CGGBP1: variants seen among roughly 807,000 people sequenced by gnomAD.
CGGBP1 encodes the protein CGG triplet repeat-binding protein 1.
A neutral mutation model predicts 11.4 loss-of-function variants in CGGBP1; 4 were observed. The ratio of observed to expected loss-of-function variants is 0.35; its 90% confidence interval spans 0.17 to 0.80. The LOEUF is 0.80. CGGBP1 is among the 30% of genes least tolerant of loss of function. The pLI is 0.52. For missense variants in CGGBP1, 135 were observed against 202.1 expected (o/e 0.67, Z 2.01); for synonymous variants, 76 against 74.1 (o/e 1.03, Z -0.13).
chr3:88,061,149 G>A (rs6806879), upstream of CGGBP1, among the ~76,000 whole-genome samples: 3 of 151,918 alleles, frequency 2.0e-5, no homozygotes, highest in African/African-American at 7.3e-5. Flanking sequence ...GGTAGATTTT[G>A]TATCTATAGG....
intron 2 of CGGBP1, among the ~76,000 whole-genome samples, chr3:88,088,652 T>C (rs1202005482): frequency 2.6e-5 from 4 of 152,186 alleles, no homozygotes; most frequent in Non-Finnish European, 5.9e-5. Context: ...AAAAATTGAT[T>C]TGTATATATT....
At chr3:88,078,998 TA>T (rs1707950832) in intron 2 of CGGBP1, among the ~76,000 whole-genome samples, 1 of 152,078 alleles carries the variant, frequency 6.6e-6, no homozygotes, top group South Asian at 2.1e-4. Flanking sequence ...ATGTATTGGC[TA>T]AAAAGTCAGT....
intron 1 of CGGBP1, among the ~76,000 whole-genome samples, chr3:88,149,497 C>T (rs1283342653): frequency 6.6e-6 from 1 of 152,248 alleles, no homozygotes; most frequent in African/African-American, 2.4e-5. Flanking sequence ...TTTAACTTTT[C>T]ATACTATAAT....
intron 2 of CGGBP1, among the ~76,000 whole-genome samples, chr3:88,113,981 A>C (rs1463614243): frequency 6.6e-6 from 1 of 152,154 alleles, no homozygotes; most frequent in Non-Finnish European, 1.5e-5. Context: ...TAGAGTATAT[A>C]TTCAAGTATT....
upstream of CGGBP1, among the ~76,000 whole-genome samples, chr3:88,063,387 T>C (rs940065426): frequency 2.6e-5 from 4 of 152,206 alleles, no homozygotes; most frequent in African/African-American, 9.7e-5. Context: ...GGCACTGTAA[T>C]AGGTGCCTTA....
intron 2 of CGGBP1, 49 bp from the exon 3 acceptor site, chr3:88,057,341 CT>C (rs5850826): frequency 0.78 from 113,877 of 146,814 alleles, 44,675 homozygotes; most frequent in South Asian, 0.9. Context: ...ATTTTTTCCA[CT>C]TTTTTTTTTT....
At chr3:88,092,789 G>A (rs116198358) in intron 2 of CGGBP1, among the ~76,000 whole-genome samples, 4 of 152,006 alleles carry the variant, frequency 2.6e-5, no homozygotes, top group African/African-American at 9.6e-5. Context: ...ATATTCTCTG[G>A]CAGTATTGTC....
At chr3:88,102,337 G>T (rs1352378350) in intron 2 of CGGBP1, among the ~76,000 whole-genome samples, 2 of 152,042 alleles carry the variant, frequency 1.3e-5, no homozygotes, top group African/African-American at 4.8e-5. Context: ...CTCATTAATA[G>T]CTCTAGTCGT....
At position 88,146,596 on chromosome 3, in the gene CGGBP1, C is replaced by T. The variant is rs571837502; in HGVS notation, c.-338+3115G>A. On this transcript the variant is annotated intron_variant, in intron 1 of 3. Coordinates refer to the CGGBP1 transcript ENST00000462901. ...TGGAGAGTTATACATCCCATTGATA[C>T]AGAATTTTGCTAAATTTCTCTTCAT... 5.9e-5 allele frequency among the ~76,000 whole-genome samples: 9 copies of T among 152,270 alleles called. No homozygotes were observed. The South Asian group carries it at 1.7e-3, about 28-fold the overall frequency.
Position 88,113,003 on chromosome 3 carries a change from C to T in CGGBP1, c.-229+27967G>A, listed in dbSNP as rs201698948. The T allele has an allele frequency of 8.5e-6, 6 of 709,560 alleles. No individual in the cohort carries two copies. In the East Asian group the frequency reaches 1.8e-4, roughly 21 times the overall value. The allele number at this position is 709,560 out of a possible 1,614,324, so 44.0% of individuals were successfully genotyped here. On this transcript the variant is annotated intron_variant, in intron 2 of 3. Coordinates refer to the CGGBP1 transcript ENST00000462901. ...CTAGTGTTCAGTACAATTTTTTAAACCAAAATATTTTAAGTCAAATATTGA... is the reference window on the plus strand; with the variant it reads ...CTAGTGTTCAGTACAATTTTTTAAATCAAAATATTTTAAGTCAAATATTGA...
At chr3:88,098,694 C>T (rs1217233899) in intron 2 of CGGBP1, among the ~76,000 whole-genome samples, 3 of 152,080 alleles carry the variant, frequency 2.0e-5, no homozygotes, top group East Asian at 1.9e-4. Flanking sequence ...AATCAATAAA[C>T]GTAATCCAGC....
rs1706498784 is a variant in CGGBP1 at position 88,054,571 on chromosome 3, A to G, written c.*902T>C. The G allele has an allele frequency of 6.6e-6, 1 of 152,298 alleles. No homozygotes were observed. The highest frequency in any genetic ancestry group is 6.5e-5 in the Admixed American group (1 of 15,288). The allele number at this position is 152,298 out of a possible 1,614,324, so 9.4% of individuals were successfully genotyped here. A position where few individuals can be genotyped will look rare whatever the true frequency, so the allele number is the denominator to read the frequency against. ...TGTAGAGAAAAATTAATGAATAGAA[A>G]GTAATTTTATCTGATCTGTCAGCCA... On this transcript the variant is annotated 3_prime_UTR_variant, in exon 4 of 4. Coordinates refer to ENST00000482016, the MANE Select transcript of CGGBP1 (RefSeq NM_001008390.2).
intron 1 of CGGBP1, among the ~76,000 whole-genome samples, chr3:88,148,939 C>A (rs1310237504): frequency 6.6e-6 from 1 of 152,134 alleles, no homozygotes; most frequent in African/African-American, 2.4e-5. Context: ...CCGCGCCCGG[C>A]CAAGCTATAT....
chr3:88,143,173 T>C (rs368640632), intron 1 of CGGBP1: 1 of 152,238 alleles, frequency 6.6e-6, no homozygotes, highest in Non-Finnish European at 1.5e-5. Flanking sequence ...TTCTTCCAGG[T>C]AGCATCCATA....
At chr3:88,073,887 T>A (rs1465085139) in intron 2 of CGGBP1, among the ~76,000 whole-genome samples, 3 of 152,224 alleles carry the variant, frequency 2.0e-5, no homozygotes, top group Admixed American at 2.0e-4. Flanking sequence ...ATAAAACTCA[T>A]AATTTATTTT....
intron 2 of CGGBP1, chr3:88,125,989 C>T (rs1039464458): frequency 2.5e-6 from 2 of 794,780 alleles, no homozygotes; most frequent in Admixed American, 3.3e-5. Flanking sequence ...TTTCGACACC[C>T]TACTTAGGTT....
chr3:88,127,270 C>T lies in CGGBP1; in HGVS notation c.-229+13700G>A, dbSNP rs544700354. ...TTGAGCAGGTTATTTCTGTTAGTCA[C>T]AGGCTAAGGGGTTAGGGTGGGTTGT... On this transcript the variant is annotated intron_variant, in intron 2 of 3. Coordinates refer to the CGGBP1 transcript ENST00000462901. 3.9e-5 allele frequency among the ~76,000 whole-genome samples: 6 copies of T among 152,124 alleles called. No individual in the cohort carries two copies. The South Asian group carries it at 1.2e-3, about 32-fold the overall frequency.
At chr3:88,147,967 G>A (rs1185155919) in intron 1 of CGGBP1, among the ~76,000 whole-genome samples, 1 of 152,138 alleles carries the variant, frequency 6.6e-6, no homozygotes, top group Non-Finnish European at 1.5e-5. Flanking sequence ...GAAACCCTGC[G>A]TTAGATCAGT....
At chr3:88,135,352 C>T in intron 2 of CGGBP1, 1 of 517,490 alleles carries the variant, frequency 1.9e-6, no homozygotes, top group East Asian at 3.6e-5. Context: ...TCTCCTCTGC[C>T]CTAACTCCAA....
Sources: allele counts gnomAD v4.1 joint callset (sites outside exome capture counted in the v4.1 genomes callset), GRCh38; gene constraint gnomAD v4.1.1; transcripts MANE v1.5; gene names NCBI Gene and HGNC (gene_info 2026-07-23, HGNC 2026-07-21).